EPC2: variants seen among roughly 807,000 people sequenced by gnomAD.
EPC2 encodes enhancer of polycomb 2.
Under a neutral mutation model 92.1 loss-of-function variants are expected in EPC2, and 14 were observed. That is an observed-to-expected ratio of 0.15 (90% CI 0.10 to 0.24). The LOEUF is 0.24. EPC2 is among the 10% of genes least tolerant of loss of function. The probability of loss-of-function intolerance (pLI) is 1.00; values close to 1 mark genes in which losing one functional copy is unlikely to be tolerated. For missense variants in EPC2, 755 were observed against 971.5 expected, an observed-to-expected ratio of 0.78 and a Z score of 2.96; for synonymous variants, 340 against 334.7, an observed-to-expected ratio of 1.02 and a Z score of -0.17.
rs779764765 is a variant in EPC2 at position 148,645,053 on chromosome 2, C to T, written c.36C>T (p.Asp12=). 5.1e-6 allele frequency: 8 copies of T among 1,568,598 alleles called. No individual in the cohort carries two copies. Among genetic ancestry groups the T allele is most frequent in the East Asian group, 2.3e-5 (1 of 42,724 alleles). The change falls in exon 1 of 14, where the codon GAC becomes GAT. Residue 12 remains aspartate, a synonymous_variant. Coordinates refer to ENST00000258484, the MANE Select transcript of EPC2 (RefSeq NM_015630.4). Reference sequence around the variant, plus strand: ...TCTCCTTCCGAGCGCGGGCGCTGGACGCCGCCAAGCCGCTGCCTATCTACC... The same window carrying T: ...TCTCCTTCCGAGCGCGGGCGCTGGATGCCGCCAAGCCGCTGCCTATCTACC... The part of the protein sequence containing the change: ...SKLSFRARAL[D]AAKPLPIYRG...
chr2:148,759,064 A>T (rs1207416276), intron 4 of EPC2, among the ~76,000 whole-genome samples: 1 of 152,174 alleles, frequency 6.6e-6, no homozygotes, highest in Non-Finnish European at 1.5e-5. Flanking sequence ...ATGGAGTCAG[A>T]TCCTAGACCA....
chr2:148,712,215 A>G (rs1442605993), intron 2 of EPC2, among the ~76,000 whole-genome samples: 1 of 151,758 alleles, frequency 6.6e-6, no homozygotes, highest in Non-Finnish European at 1.5e-5. Flanking sequence ...CTTTCTTAGC[A>G]TATCTATCAT....
intron 1 of EPC2, among the ~76,000 whole-genome samples, chr2:148,685,330 T>G (rs916482005): frequency 2.0e-5 from 3 of 152,236 alleles, no homozygotes; most frequent in African/African-American, 7.2e-5. Flanking sequence ...TTTCCCTTTG[T>G]TTTCTTCTGT....
chr2:148,707,741 A>G (rs1207635778), intron 2 of EPC2, among the ~76,000 whole-genome samples: 1 of 152,202 alleles, frequency 6.6e-6, no homozygotes, highest in African/African-American at 2.4e-5. Context: ...CCTGCTCCTG[A>G]ATGACTACTG....
chr2:148,718,477 AT>A (rs1356616481), intron 2 of EPC2, among the ~76,000 whole-genome samples: 1 of 151,940 alleles, frequency 6.6e-6, no homozygotes, highest in East Asian at 1.9e-4. Flanking sequence ...AAAGGATCTT[AT>A]TTTTCCTTTG....
intron 2 of EPC2, among the ~76,000 whole-genome samples, chr2:148,701,194 G>GT (rs1681879898): frequency 6.6e-6 from 1 of 152,146 alleles, no homozygotes; most frequent in Non-Finnish European, 1.5e-5. Flanking sequence ...TACATAGACA[G>GT]TCTTGTCATC....
chr2:148,742,423 G>T (rs1461171468), intron 2 of EPC2, among the ~76,000 whole-genome samples: 1 of 152,094 alleles, frequency 6.6e-6, no homozygotes, highest in Non-Finnish European at 1.5e-5. Flanking sequence ...ATCTATCACT[G>T]AAGTTACACT....
chr2:148,782,078 A>G (rs979724577), intron 11 of EPC2, among the ~76,000 whole-genome samples: 3 of 151,966 alleles, frequency 2.0e-5, no homozygotes, highest in African/African-American at 4.8e-5. Flanking sequence ...CTCCACCTCC[A>G]CTCCCCCAAA....
chr2:148,720,158 T>C (rs955239281), intron 2 of EPC2, among the ~76,000 whole-genome samples: 4 of 151,956 alleles, frequency 2.6e-5, no homozygotes, highest in African/African-American at 9.7e-5. Context: ...GGCTGGGAGG[T>C]CCCACTCAGT....
chr2:148,707,700 A>G (rs986542356), intron 2 of EPC2, among the ~76,000 whole-genome samples: 8 of 152,326 alleles, frequency 5.3e-5, no homozygotes, highest in Non-Finnish European at 1.0e-4. Flanking sequence ...AAACTCACTC[A>G]AAACTGCTCA....
chr2:148,662,795 T>C (rs1334219903), intron 1 of EPC2, among the ~76,000 whole-genome samples: 1 of 144,988 alleles, frequency 6.9e-6, no homozygotes, highest in Non-Finnish European at 1.5e-5. Flanking sequence ...TGTGCACATG[T>C]ACCCTAAAAC....
At chr2:148,664,826 T>C (rs1315190244) in intron 1 of EPC2, among the ~76,000 whole-genome samples, 1 of 152,252 alleles carries the variant, frequency 6.6e-6, no homozygotes, top group Non-Finnish European at 1.5e-5. Flanking sequence ...AATAGTTCAC[T>C]CCATTTTGTT....
Position 148,694,913 on chromosome 2 carries a change from C to T in EPC2, c.313+4540C>T, listed in dbSNP as rs567628893. On this transcript the variant is annotated intron_variant, in intron 2 of 13. Transcript: ENST00000258484. ...TCAGCCTCCAGAGTAGCTGGGATCA[C>T]GGGTGCGTGCCACCACGCCCGGCTA... Among the ~76,000 whole-genome samples, 15 of 152,272 alleles carry T rather than the reference C, an allele frequency of 9.9e-5. No homozygotes were observed. The South Asian group carries it at 2.9e-3, about 29-fold the overall frequency.
intron 2 of EPC2, among the ~76,000 whole-genome samples, chr2:148,737,544 A>G (rs1051598073): frequency 1.3e-5 from 2 of 152,048 alleles, no homozygotes; most frequent in African/African-American, 4.8e-5. Context: ...CTCCTTTGGT[A>G]TGGAGCTTTG....
chr2:148,710,194 G>A (rs866021116), intron 2 of EPC2, among the ~76,000 whole-genome samples: 2 of 152,196 alleles, frequency 1.3e-5, no homozygotes, highest in Admixed American at 1.3e-4. Context: ...CAAAGGATAT[G>A]AACAGACACT....
rs116534650 is a variant in EPC2 at position 148,746,226 on chromosome 2, C to A, written c.459+2459C>A. On this transcript the variant is annotated intron_variant, in intron 3 of 13. Coordinates refer to ENST00000258484, the MANE Select transcript of EPC2 (RefSeq NM_015630.4). The stretch of plus-strand genomic sequence containing the variant: ...AATGTATTACCTTTGGCCTTGACCT[C>A]TTTCTCAAACTCCAGGATTTTTTTC... Among the ~76,000 whole-genome samples, 1,075 of 152,130 alleles carry A rather than the reference C, an allele frequency of 7.1e-3. 6 individuals are homozygous for A. The highest frequency in any genetic ancestry group is 0.024 in the African/African-American group (1,011 of 41,534).
Position 148,665,457 on chromosome 2 carries a change from G to A in EPC2, c.153+20287G>A, listed in dbSNP as rs967878026. Among the ~76,000 whole-genome samples the A allele has an allele frequency of 5.3e-4, 80 of 152,086 alleles. 1 individual carries two copies. Among genetic ancestry groups the A allele is most frequent in the African/African-American group, 1.7e-3 (71 of 41,418 alleles). On this transcript the variant is annotated intron_variant, in intron 1 of 13. Transcript: ENST00000258484. The stretch of plus-strand genomic sequence containing the variant: ...CCTTTCTAAGTTGATGTTGAAGACC[G>A]TGGTCTTACTTAGCATTAGGAAATT...
intron 8 of EPC2, 25 bp from the exon 9 acceptor site, chr2:148,770,767 T>G: frequency 1.3e-6 from 2 of 1,587,576 alleles, no homozygotes; most frequent in South Asian, 1.2e-5. Context: ...GAGTTTTTTG[T>G]TTTTTGTTTT....
chr2:148,708,160 A>G (rs1024082528), intron 2 of EPC2, among the ~76,000 whole-genome samples: 2 of 152,210 alleles, frequency 1.3e-5, no homozygotes, highest in African/African-American at 4.8e-5. Flanking sequence ...GATAAAAGGG[A>G]TATCACCACC....
Sources: gnomAD v4.1 joint callset for allele counts (sites outside exome capture counted in the v4.1 genomes callset) on GRCh38, gnomAD v4.1.1 for gene constraint, MANE v1.5 for transcripts, NCBI Gene and HGNC (gene_info 2026-07-23, HGNC 2026-07-21) for gene names.